NT5DC1: variants seen among roughly 807,000 people sequenced by gnomAD.
NT5DC1 encodes the protein 5'-nucleotidase domain containing 1, also known as 5'-nucleotidase domain-containing protein 1.
In NT5DC1, 42 loss-of-function variants were observed where a neutral mutation model predicts 59.4. That is an observed-to-expected ratio of 0.71 (90% CI 0.55 to 0.92). The LOEUF is 0.92. Among genes scored for constraint, NT5DC1 ranks in the 40% least tolerant of loss-of-function variants. The pLI, the probability that NT5DC1 is intolerant of heterozygous loss-of-function variation, is 0.00. For synonymous variants in NT5DC1, 172 were observed against 188.1 expected (o/e 0.91, Z 0.70); for missense variants, 501 against 537.1 (o/e 0.93, Z 0.66).
chr6:116,118,183 GC>G, intron 6 of NT5DC1: 1 of 486,074 alleles, frequency 2.1e-6, no homozygotes, highest in South Asian at 2.1e-5. Flanking sequence ...TACCACGCCT[GC>G]CACGAGGGTC....
chr6:116,237,030 C>G lies in NT5DC1; in HGVS notation c.867C>G (p.Asn289Lys). 1 of 1,613,014 alleles carries G rather than the reference C, an allele frequency of 6.2e-7. No homozygotes were observed. Among genetic ancestry groups the G allele is most frequent in the Middle Eastern group, 1.6e-4 (1 of 6,062 alleles). Residue 289 changes from asparagine (N) to lysine (K), a missense_variant, in exon 9 of 12, where the codon AAC becomes AAG. By Grantham distance (94) the Asn-to-Lys change is moderately conservative. Transcript: ENST00000319550. ...AACCTGGCTGGTACTCCCAAGGGAA[C>G]GCTGTCCACCTCTATGAACTTCTGA... ...LDKPGWYSQG[N>K]AVHLYELLKK... is the part of the protein sequence containing the mutation.
chr6:116,197,842 C>A (rs533117842), intron 6 of NT5DC1, among the ~76,000 whole-genome samples: 1 of 152,016 alleles, frequency 6.6e-6, no homozygotes, highest in Non-Finnish European at 1.5e-5. Flanking sequence ...CATTGAGAAG[C>A]GTTTACATGT....
intron 11 of NT5DC1, among the ~76,000 whole-genome samples, chr6:116,241,780 A>T (rs886466143): frequency 6.6e-6 from 1 of 151,018 alleles, no homozygotes; most frequent in Non-Finnish European, 1.5e-5. Context: ...AAAATTAGCC[A>T]GGCGTGGTGG....
At chr6:116,196,271 A>G (rs975211623) in intron 6 of NT5DC1, among the ~76,000 whole-genome samples, 1 of 152,034 alleles carries the variant, frequency 6.6e-6, no homozygotes, top group Non-Finnish European at 1.5e-5. Flanking sequence ...TATATTTTCC[A>G]TATCACATTT....
Position 116,221,085 on chromosome 6 carries a change from A to T in NT5DC1, c.561A>T (p.Lys187Asn). The change falls in exon 7 of 12, where the codon AAA (lysine) becomes AAT (asparagine). Residue 187 changes from lysine to asparagine, a missense_variant. Coordinates refer to ENST00000319550, the MANE Select transcript of NT5DC1 (RefSeq NM_152729.3). Reference sequence around the variant, plus strand: ...GTGGAATATATTTTCCAGAAATAAAAAGAGATCCAGGCAGATATTTACATA... The same window carrying T: ...GTGGAATATATTTTCCAGAAATAAATAGAGATCCAGGCAGATATTTACATA... Reference protein sequence around the residue: ...ENCGIYFPEIKRDPGRYLHSC... With the variant: ...ENCGIYFPEINRDPGRYLHSC... 1 of 1,549,308 alleles carries T rather than the reference A, an allele frequency of 6.5e-7. No homozygotes were observed.
At chr6:116,191,516 A>C (rs1034879358) in intron 6 of NT5DC1, among the ~76,000 whole-genome samples, 1 of 152,076 alleles carries the variant, frequency 6.6e-6, no homozygotes, top group African/African-American at 2.4e-5. Context: ...AGCCTTCAAC[A>C]ATCACTGTCT....
intron 6 of NT5DC1, chr6:116,119,837 A>G (rs1289117147): frequency 2.2e-6 from 1 of 452,626 alleles, no homozygotes; most frequent in Non-Finnish European, 3.9e-6. Flanking sequence ...AATATTGGAG[A>G]AAACCTTAAA....
At chr6:116,214,373 A>G (rs1781648669) in intron 6 of NT5DC1, among the ~76,000 whole-genome samples, 2 of 152,172 alleles carry the variant, frequency 1.3e-5, no homozygotes, top group Admixed American at 6.6e-5. Flanking sequence ...ACACAGACAC[A>G]GATTTGAGCA....
intron 6 of NT5DC1, among the ~76,000 whole-genome samples, chr6:116,132,877 A>G (rs1367491347): frequency 6.6e-6 from 1 of 152,162 alleles, no homozygotes; most frequent in Non-Finnish European, 1.5e-5. Flanking sequence ...ATTTTAAAAG[A>G]ACATTCTTAG....
intron 3 of NT5DC1, among the ~76,000 whole-genome samples, chr6:116,110,157 C>T (rs1778844982): frequency 6.6e-6 from 1 of 152,226 alleles, no homozygotes; most frequent in African/African-American, 2.4e-5. Flanking sequence ...CCACAGGTAA[C>T]TGAAACTGTG....
chr6:116,120,756 T>G (rs770213046), intron 6 of NT5DC1: 2 of 1,608,038 alleles, frequency 1.2e-6, no homozygotes, highest in East Asian at 4.5e-5. Context: ...GGTGGCCCAA[T>G]AGGGCCTCTA....
At position 116,100,916 on chromosome 6, in the gene NT5DC1, G is replaced by A. The variant is rs751863767; in HGVS notation, c.-15G>A. 1 of 1,589,702 alleles carries A rather than the reference G, an allele frequency of 6.3e-7. No homozygotes were observed. Among genetic ancestry groups the A allele is most frequent in the Admixed American group, 1.7e-5 (1 of 58,466 alleles). Reference sequence around the variant, plus strand: ...CTTCGCGGCCGAGGCGCTCCCTGGTGCTCCCCGCGCAGCCATGGCTCAGCA... The same window carrying A: ...CTTCGCGGCCGAGGCGCTCCCTGGTACTCCCCGCGCAGCCATGGCTCAGCA... On this transcript the variant is annotated 5_prime_UTR_variant, in exon 1 of 12. Coordinates refer to ENST00000319550, the MANE Select transcript of NT5DC1 (RefSeq NM_152729.3).
At chr6:116,177,762 G>C (rs1047857556) in intron 6 of NT5DC1, among the ~76,000 whole-genome samples, 7 of 151,998 alleles carry the variant, frequency 4.6e-5, no homozygotes, top group African/African-American at 1.7e-4. Flanking sequence ...AATGTTTTCT[G>C]ACATTCTAAA....
At chr6:116,128,464 T>C (rs1010194721) in intron 6 of NT5DC1, among the ~76,000 whole-genome samples, 1 of 152,206 alleles carries the variant, frequency 6.6e-6, no homozygotes, top group African/African-American at 2.4e-5. Context: ...AGCCATACTC[T>C]TTAAACTCTA....
chr6:116,137,749 A>C (rs1368855192), intron 6 of NT5DC1, among the ~76,000 whole-genome samples: 1 of 152,206 alleles, frequency 6.6e-6, no homozygotes, highest in Non-Finnish European at 1.5e-5. Flanking sequence ...TTTATATGGA[A>C]AACCAGTTAT....
chr6:116,130,991 G>A lies in NT5DC1; in HGVS notation c.529+13046G>A, dbSNP rs188139104. ...ACAGTTGATTCAATGTGGTAATACT[G>A]CCCACTCAATTCACTGTTAGGTTTG... On this transcript the variant is annotated intron_variant, in intron 6 of 11. Transcript: ENST00000319550. Among the ~76,000 whole-genome samples, 398 of 152,212 alleles carry A rather than the reference G, an allele frequency of 2.6e-3. 10 individuals are homozygous for A. In the South Asian group the frequency reaches 0.044, roughly 17 times the overall value.
intron 6 of NT5DC1, among the ~76,000 whole-genome samples, chr6:116,165,098 G>GAAAAAAAAAA (rs71554841): frequency 2.1e-4 from 21 of 101,038 alleles, no homozygotes; most frequent in East Asian, 9.2e-4. Context: ...CTCCGTCTCA[G>GAAAAAAAAAA]AAAAAAAAAA....
Position 116,121,451 on chromosome 6 carries a change from C to CT in NT5DC1, c.529+3511dup, listed in dbSNP as rs1779122243. On this transcript the variant is annotated intron_variant, in intron 6 of 11. Coordinates refer to ENST00000319550, the MANE Select transcript of NT5DC1 (RefSeq NM_152729.3). Reference sequence around the variant, plus strand: ...CTGTCCTGGAACCCCATTTTCACCTCTTTTTCCCACTCCAGGAGGGCCAGA... The same window carrying CT: ...CTGTCCTGGAACCCCATTTTCACCTCTTTTTTCCCACTCCAGGAGGGCCAGA... 4 of 1,613,992 alleles carry CT rather than the reference C, an allele frequency of 2.5e-6. No individual in the cohort carries two copies. The African/African-American group carries it at 5.3e-5, about 22-fold the overall frequency.
At chr6:116,206,790 C>T (rs1394543573) in intron 6 of NT5DC1, among the ~76,000 whole-genome samples, 1 of 151,936 alleles carries the variant, frequency 6.6e-6, no homozygotes, top group Non-Finnish European at 1.5e-5. Context: ...TTTAGATAAA[C>T]TGTTAATTGG....
Sources: allele counts gnomAD v4.1 joint callset (sites outside exome capture counted in the v4.1 genomes callset), GRCh38; gene constraint gnomAD v4.1.1; transcripts MANE v1.5; gene names NCBI Gene and HGNC (gene_info 2026-07-23, HGNC 2026-07-21).